The following KLHL2 variants were observed in gnomAD, a reference collection of about 807,000 sequenced individuals.
KLHL2 encodes kelch-like protein 2.
A neutral mutation model predicts 75.8 loss-of-function variants in KLHL2; 15 were observed. That is an observed-to-expected ratio of 0.20 (90% CI 0.13 to 0.30). KLHL2 has a LOEUF of 0.30. Ranked by LOEUF, KLHL2 falls within the 10% of genes least tolerant of loss-of-function variation. The pLI is 1.00. For synonymous variants in KLHL2, 214 were observed against 251.9 expected (o/e 0.85, Z 1.42); for missense variants, 381 against 741.0 (o/e 0.51, Z 5.64).
intron 11 of KLHL2, 104 bp from the exon 12 acceptor site, chr4:165,313,134 T>C: frequency 8.5e-7 from 1 of 1,170,150 alleles, no homozygotes; most frequent in Non-Finnish European, 1.2e-6. Context: ...GAAACTCTGC[T>C]GCCATGAAGG....
At chr4:165,268,096 C>T (rs1226808671) in intron 5 of KLHL2, among the ~76,000 whole-genome samples, 1 of 152,176 alleles carries the variant, frequency 6.6e-6, no homozygotes, top group Non-Finnish European at 1.5e-5. Flanking sequence ...AGTTTATTTG[C>T]ATAGAGGAAT....
At chr4:165,299,945 T>C (rs956324668) in intron 8 of KLHL2, among the ~76,000 whole-genome samples, 12 of 152,276 alleles carry the variant, frequency 7.9e-5, no homozygotes, top group Admixed American at 2.6e-4. Flanking sequence ...GCTCTAATTA[T>C]AGTAGAAAGC....
chr4:165,320,132 G>C (rs1746859635), intron 14 of KLHL2, among the ~76,000 whole-genome samples: 2 of 140,038 alleles, frequency 1.4e-5, no homozygotes, highest in Non-Finnish European at 3.3e-5. Flanking sequence ...GCCTGAACAA[G>C]TTTTTAATGC....
chr4:165,265,606 A>G (rs1390663526), intron 5 of KLHL2, among the ~76,000 whole-genome samples: 2 of 151,626 alleles, frequency 1.3e-5, no homozygotes, highest in Non-Finnish European at 3.0e-5. Flanking sequence ...CACGAGCACA[A>G]CGTGATGGTT....
Position 165,207,767 on chromosome 4 carries a change from C to T in KLHL2, c.-110C>T, listed in dbSNP as rs1335914248. ...GGTGAGGAGAGCGCGGCGCCCCCTC[C>T]GGGGCGGATGGAACGCGGCTCGGCG... is the stretch of plus-strand genomic sequence containing the variant. On this transcript the variant is annotated 5_prime_UTR_variant, in exon 1 of 15. Coordinates refer to ENST00000226725, the MANE Select transcript of KLHL2 (RefSeq NM_007246.4). This position sits in a 1 kb window ranked among gnomAD's most constrained non-coding sequence, Gnocchi z 4.2. 6 of 979,424 alleles carry T rather than the reference C, an allele frequency of 6.1e-6. No homozygotes were observed. The highest frequency in any genetic ancestry group is 4.3e-5 in the East Asian group (1 of 23,414). The allele number at this position is 979,424 out of a possible 1,614,324, so 60.7% of individuals were successfully genotyped here.
intron 12 of KLHL2, 124 bp from the exon 13 acceptor site, chr4:165,313,902 T>C (rs901368183): frequency 6.8e-6 from 6 of 881,104 alleles, no homozygotes; most frequent in Non-Finnish European, 1.0e-5. Context: ...GGCTATAGTA[T>C]CAGCTTGCTT....
At chr4:165,237,856 A>G (rs1448566790) in intron 3 of KLHL2, among the ~76,000 whole-genome samples, 1 of 151,286 alleles carries the variant, frequency 6.6e-6, no homozygotes, top group Non-Finnish European at 1.5e-5. Context: ...ATCCCTCCCC[A>G]CCCGCATTCA....
At chr4:165,228,958 A>G (rs2111037761) in intron 3 of KLHL2, 45 bp downstream of exon 3, 1 of 1,200,148 alleles carries the variant, frequency 8.3e-7, no homozygotes, top group Admixed American at 1.9e-5. Context: ...ATGTATTCAG[A>G]TCTGTGCTTT....
intron 4 of KLHL2, among the ~76,000 whole-genome samples, chr4:165,253,976 G>A (rs1188152839): frequency 6.6e-6 from 1 of 152,218 alleles, no homozygotes; most frequent in African/African-American, 2.4e-5. Context: ...ATCCAGTGCT[G>A]CAAGCTGTAG....
At chr4:165,263,146 G>A in intron 4 of KLHL2, 51 bp from the exon 5 acceptor site, 2 of 1,596,554 alleles carry the variant, frequency 1.3e-6, no homozygotes, top group South Asian at 1.1e-5. Flanking sequence ...TGGTCAAAGA[G>A]GCAGTGTTTT....
intron 4 of KLHL2, among the ~76,000 whole-genome samples, chr4:165,239,232 T>G (rs1311020849): frequency 1.3e-5 from 2 of 151,938 alleles, no homozygotes; most frequent in Non-Finnish European, 2.9e-5. Flanking sequence ...CTACAAAGTA[T>G]GTTTTTGACT....
At chr4:165,229,488 G>A (rs969149152) in intron 3 of KLHL2, among the ~76,000 whole-genome samples, 1 of 152,140 alleles carries the variant, frequency 6.6e-6, no homozygotes, top group Non-Finnish European at 1.5e-5. Flanking sequence ...GTTTTTATCT[G>A]TTACATCAAT....
intron 4 of KLHL2, among the ~76,000 whole-genome samples, chr4:165,248,244 G>A (rs1457818287): frequency 6.6e-6 from 1 of 152,210 alleles, no homozygotes; most frequent in Non-Finnish European, 1.5e-5. Flanking sequence ...GGATGTTTAT[G>A]TCATCAAAAA....
chr4:165,297,468 G>C, intron 6 of KLHL2, 141 bp from the exon 7 acceptor site: 1 of 593,450 alleles, frequency 1.7e-6, no homozygotes, highest in Non-Finnish European at 3.1e-6. Flanking sequence ...TTGCAAGTCA[G>C]GATTTTGAAA....
intron 5 of KLHL2, among the ~76,000 whole-genome samples, chr4:165,292,509 T>TTTTTGTAGAGACGGGG (rs1202938856): frequency 6.6e-5 from 10 of 151,982 alleles, no homozygotes; most frequent in African/African-American, 1.5e-4. Context: ...CTTTTTGTAT[T>TTTTTGTAGAGACGGGG]TTTTGTAGAG....
At chr4:165,282,371 A>G (rs1743758729) in intron 5 of KLHL2, among the ~76,000 whole-genome samples, 1 of 152,200 alleles carries the variant, frequency 6.6e-6, no homozygotes, top group Non-Finnish European at 1.5e-5. Flanking sequence ...GTGTTGTGTT[A>G]GGCTTATATT....
chr4:165,310,924 G>T (rs554503533), intron 10 of KLHL2, among the ~76,000 whole-genome samples, 174 bp downstream of exon 10: 1 of 147,926 alleles, frequency 6.8e-6, no homozygotes, highest in Non-Finnish European at 1.5e-5. Flanking sequence ...GCGCAATCTC[G>T]GCTCACTGCA....
intron 13 of KLHL2, among the ~76,000 whole-genome samples, chr4:165,317,582 C>T (rs1746678734): frequency 6.6e-6 from 1 of 152,178 alleles, no homozygotes; most frequent in Non-Finnish European, 1.5e-5. Flanking sequence ...CCAGGCTCAT[C>T]TCGAACTCCT....
intron 13 of KLHL2, among the ~76,000 whole-genome samples, chr4:165,317,162 A>G (rs1421940042): frequency 1.3e-5 from 2 of 152,076 alleles, no homozygotes; most frequent in Admixed American, 1.3e-4. Context: ...CCTTCTACTA[A>G]CATATATTTT....
Sources: gnomAD v4.1 joint callset for allele counts (sites outside exome capture counted in the v4.1 genomes callset) on GRCh38, gnomAD v4.1.1 for gene constraint, Gnocchi (gnomAD v3.1) non-coding constraint, MANE v1.5 for transcripts, NCBI Gene and HGNC (gene_info 2026-07-23, HGNC 2026-07-21) for gene names.